The following LRGUK variants were observed in gnomAD, a reference collection of about 807,000 sequenced individuals.
The protein encoded by LRGUK is leucine rich repeats and guanylate kinase domain containing, also known as leucine-rich repeat and guanylate kinase domain-containing protein.
In LRGUK, 65 loss-of-function variants were observed where a neutral mutation model predicts 76.0. The ratio of observed to expected loss-of-function variants is 0.85; its 90% CI spans 0.70 to 1.05. The LOEUF (loss-of-function observed/expected upper bound fraction) is 1.05, where lower values mean the gene tolerates loss of function less well. Ranked by LOEUF, LRGUK falls within the 50% of genes least tolerant of loss-of-function variation. LRGUK has a pLI of 0.00. For missense variants in LRGUK, 758 were observed against 732.8 expected, an observed-to-expected ratio of 1.03 and a Z score of -0.40; for synonymous variants, 268 against 265.6, an observed-to-expected ratio of 1.01 and a Z score of -0.09.
downstream of LRGUK, among the ~76,000 whole-genome samples, chr7:134,268,751 A>G (rs1313655359): frequency 8.0e-4 from 62 of 77,214 alleles, 3 homozygotes; most frequent in Non-Finnish European, 7.4e-5. Flanking sequence ...TTTTTTTGAG[A>G]CAGAGTCTCG....
chr7:134,164,399 G>A (rs1342760018), intron 7 of LRGUK, among the ~76,000 whole-genome samples: 3 of 152,244 alleles, frequency 2.0e-5, no homozygotes, highest in African/African-American at 7.2e-5. Context: ...TTTCAGGTCT[G>A]GCTTAATAAC....
At position 134,263,941 on chromosome 7, in the gene LRGUK, CCA is replaced by C. The variant is rs765241817; in HGVS notation, c.2446_2447del (p.Thr816ProfsTer12). 1.1e-5 allele frequency: 17 copies of C among 1,612,600 alleles called. 1 individual carries two copies. The South Asian group carries it at 1.9e-4, about 18-fold the overall frequency. On this transcript the variant is annotated frameshift_variant, in exon 20 of 20. Transcript: ENST00000285928. LOFTEE classifies it high-confidence loss of function. The stretch of plus-strand genomic sequence containing the variant: ...AGTCGCCCAGGTTCCAACGTCAAAC[CCA>C]CCCTCCCTCCAATCCCTCAGGGCCG...
chr7:134,208,270 C>A (rs1158483243), intron 15 of LRGUK, among the ~76,000 whole-genome samples: 2 of 152,180 alleles, frequency 1.3e-5, no homozygotes, highest in African/African-American at 4.8e-5. Flanking sequence ...AAGAGGGCTG[C>A]CGTTAAATAA....
intron 15 of LRGUK, among the ~76,000 whole-genome samples, chr7:134,219,719 T>C (rs1402126195): frequency 2.0e-5 from 3 of 152,160 alleles, no homozygotes; most frequent in Non-Finnish European, 4.4e-5. Flanking sequence ...TGTCTCTCTC[T>C]CTCTGTTTCT....
At chr7:134,220,059 T>A (rs1801545365) in intron 15 of LRGUK, among the ~76,000 whole-genome samples, 1 of 152,278 alleles carries the variant, frequency 6.6e-6, no homozygotes, top group African/African-American at 2.4e-5. Flanking sequence ...TACTGCTGTA[T>A]CCCCAGCATC....
intron 11 of LRGUK, among the ~76,000 whole-genome samples, chr7:134,184,275 CT>C (rs927208408): frequency 2.5e-3 from 362 of 144,170 alleles, no homozygotes; most frequent in African/African-American, 5.3e-3. Context: ...TCTTTTTTTT[CT>C]TTTTTTTTTT....
intron 16 of LRGUK, among the ~76,000 whole-genome samples, chr7:134,226,290 C>G (rs1168911071): frequency 6.7e-6 from 1 of 150,234 alleles, no homozygotes; most frequent in Non-Finnish European, 1.5e-5. Flanking sequence ...TTCTCTGAAG[C>G]ACCATTCCCA....
intron 5 of LRGUK, among the ~76,000 whole-genome samples, chr7:134,150,291 AC>A (rs765515775): frequency 6.8e-6 from 1 of 146,056 alleles, no homozygotes; most frequent in Non-Finnish European, 1.5e-5. Flanking sequence ...AACAAAAAAA[AC>A]AAAAAAAAAC....
chr7:134,156,903 G>C (rs1157750267), intron 5 of LRGUK, among the ~76,000 whole-genome samples: 2 of 152,156 alleles, frequency 1.3e-5, no homozygotes, highest in East Asian at 3.8e-4. Flanking sequence ...GGCAGGTCTT[G>C]GTGATTGGAT....
chr7:134,127,782 C>T, intron 1 of LRGUK, 118 bp downstream of exon 1: 1 of 1,204,996 alleles, frequency 8.3e-7, no homozygotes, highest in Non-Finnish European at 1.1e-6. Flanking sequence ...CTCAGGCTCT[C>T]TCGCCTCCAG....
chr7:134,133,885 C>A (rs1463713755), intron 1 of LRGUK, among the ~76,000 whole-genome samples: 2 of 151,796 alleles, frequency 1.3e-5, no homozygotes, highest in Non-Finnish European at 2.9e-5. Context: ...CATGGTGAAA[C>A]CCTGCCTCTA....
At chr7:134,198,575 A>G (rs912112665) in intron 13 of LRGUK, among the ~76,000 whole-genome samples, 2 of 152,172 alleles carry the variant, frequency 1.3e-5, no homozygotes, top group Non-Finnish European at 2.9e-5. Flanking sequence ...TGGCTCTTTC[A>G]TTTCACCCGT....
chr7:134,260,825 A>G (rs529325921), intron 19 of LRGUK, among the ~76,000 whole-genome samples: 12 of 152,310 alleles, frequency 7.9e-5, no homozygotes, highest in African/African-American at 2.9e-4. Context: ...ACTCTGAGTT[A>G]GATGACACAG....
downstream of LRGUK, among the ~76,000 whole-genome samples, chr7:134,213,316 A>T (rs1456306202): frequency 6.6e-6 from 1 of 152,180 alleles, no homozygotes; most frequent in Non-Finnish European, 1.5e-5. Context: ...GAGGAGTGGC[A>T]GGGAAGTTAT....
intron 16 of LRGUK, among the ~76,000 whole-genome samples, chr7:134,246,221 C>G (rs1283661902): frequency 6.6e-6 from 1 of 152,024 alleles, no homozygotes; most frequent in Non-Finnish European, 1.5e-5. Flanking sequence ...TTTATATTAT[C>G]CCCCCCAAAT....
At chr7:134,144,646 A>G (rs971350012) in intron 4 of LRGUK, among the ~76,000 whole-genome samples, 6 of 152,208 alleles carry the variant, frequency 3.9e-5, no homozygotes, top group Non-Finnish European at 1.5e-5. Context: ...AAAATATTCT[A>G]TGGAGAGTTG....
chr7:134,211,180 C>T (rs753503577), downstream of LRGUK, among the ~76,000 whole-genome samples: 47 of 152,330 alleles, frequency 3.1e-4, no homozygotes, highest in Admixed American at 1.1e-3. Flanking sequence ...CTGCTGTTGC[C>T]GTCACAGCCT....
intron 15 of LRGUK, among the ~76,000 whole-genome samples, chr7:134,215,555 G>A (rs961213277): frequency 6.6e-6 from 1 of 151,868 alleles, no homozygotes. Context: ...TGGGGGCTCA[G>A]GATAAGATAC....
intron 7 of LRGUK, among the ~76,000 whole-genome samples, chr7:134,164,520 C>A (rs773643832): frequency 1.2e-4 from 19 of 152,174 alleles, no homozygotes; most frequent in Middle Eastern, 3.2e-3. Flanking sequence ...GTAACTTTAG[C>A]AAACTTCTTA....
Sources: allele counts gnomAD v4.1 joint callset (sites outside exome capture counted in the v4.1 genomes callset), GRCh38; gene constraint gnomAD v4.1.1; transcripts MANE v1.5; gene names NCBI Gene and HGNC (gene_info 2026-07-23, HGNC 2026-07-21).